Variants in LRBA observed in about 807,000 individuals in gnomAD.
LRBA encodes LPS responsive beige-like anchor protein, also known as lipopolysaccharide-responsive and beige-like anchor protein.
Under a neutral mutation model 330.0 loss-of-function variants are expected in LRBA, and 176 were observed. That is an observed-to-expected ratio of 0.53 (90% confidence interval 0.47 to 0.60). The LOEUF (loss-of-function observed/expected upper bound fraction) is 0.60, where lower values mean the gene tolerates loss of function less well. Among genes scored for constraint, LRBA ranks in the 20% least tolerant of loss-of-function variants. The pLI, the probability that LRBA is intolerant of heterozygous loss-of-function variation, is 0.00. For synonymous variants in LRBA, 1,230 were observed against 1,193.0 expected (o/e 1.03, Z -0.64); for missense variants, 3,259 against 3,444.8 (o/e 0.95, Z 1.35).
intron 46 of LRBA, chr4:150,422,514 A>C (rs1330515059): frequency 5.5e-6 from 2 of 361,408 alleles, no homozygotes; most frequent in Non-Finnish European, 1.0e-5. Context: ...CAGGGAGATG[A>C]ACATTATAAT....
chr4:150,758,572 CTTTTTTT>C (rs35416240), intron 35 of LRBA, among the ~76,000 whole-genome samples: 2 of 117,042 alleles, frequency 1.7e-5, no homozygotes, highest in African/African-American at 2.9e-5. Flanking sequence ...ATCTCTTTGT[CTTTTTTT>C]TTTTTTTTTT....
At chr4:150,832,845 C>T (rs758945034) in intron 28 of LRBA, among the ~76,000 whole-genome samples, 3 of 152,144 alleles carry the variant, frequency 2.0e-5, no homozygotes, top group Non-Finnish European at 2.9e-5. Context: ...TCATAGCTCA[C>T]TGTACCCTTG....
chr4:150,442,588 T>C (rs1028145119), intron 44 of LRBA, among the ~76,000 whole-genome samples: 10 of 152,158 alleles, frequency 6.6e-5, no homozygotes, highest in African/African-American at 2.4e-4. Context: ...CTTACAGTAC[T>C]GAAGAAGGTG....
intron 25 of LRBA, among the ~76,000 whole-genome samples, 195 bp from the exon 26 acceptor site, chr4:150,849,193 C>T (rs565695637): frequency 4.6e-4 from 70 of 152,198 alleles, no homozygotes; most frequent in Non-Finnish European, 7.8e-4. Flanking sequence ...ACAGGTGAAA[C>T]ATCATGAACC....
intron 2 of LRBA, among the ~76,000 whole-genome samples, chr4:150,996,841 T>C (rs1742706328): frequency 6.6e-6 from 1 of 152,144 alleles, no homozygotes. Context: ...CACTTGAGCA[T>C]CATTGACCAC....
At chr4:150,999,378 C>A (rs1561112505) in intron 2 of LRBA, among the ~76,000 whole-genome samples, 2 of 151,948 alleles carry the variant, frequency 1.3e-5, no homozygotes, top group Non-Finnish European at 2.9e-5. Flanking sequence ...AAAAAAACTT[C>A]CCTGGCACAG....
rs575226397 is a variant in LRBA, at chr4:150,778,209, T to C, written c.5581-16362A>G. Among the ~76,000 whole-genome samples the C allele has an allele frequency of 3.9e-5, 6 of 152,268 alleles. No individual in the cohort carries two copies. In the South Asian group the frequency reaches 6.2e-4, roughly 16 times the overall value. ...TTGTGTCTTTAATCACTCTGTGAAA[T>C]AGTAAAATAGAATACTGCCCTTCGG... On this transcript the variant is annotated intron_variant, in intron 34 of 56. Coordinates refer to ENST00000651943, the MANE Select transcript of LRBA (RefSeq NM_001364905.1).
In LRBA at chr4:150,710,125, T is replaced by G. The variant is rs919759172; in HGVS notation, c.5754+25133A>C. Among the ~76,000 whole-genome samples the G allele has an allele frequency of 1.2e-4, 19 of 152,068 alleles. 1 individual carries two copies. Among genetic ancestry groups the G allele is most frequent in the Admixed American group, 1.1e-3 (17 of 15,256 alleles). On this transcript the variant is annotated intron_variant, in intron 36 of 56. Transcript: ENST00000651943. The stretch of plus-strand genomic sequence containing the variant: ...TAAGACAAGAGATTACTCCAAATGT[T>G]TTGAACTATAGATGTGATGGTTAAG...
At chr4:150,561,369 A>G (rs1348532711) in intron 40 of LRBA, among the ~76,000 whole-genome samples, 1 of 152,156 alleles carries the variant, frequency 6.6e-6, no homozygotes, top group East Asian at 1.9e-4. Context: ...GGAATTCATG[A>G]ATATGTTATT....
intron 40 of LRBA, among the ~76,000 whole-genome samples, chr4:150,547,050 A>G (rs1261240505): frequency 2.0e-5 from 3 of 152,196 alleles, no homozygotes; most frequent in African/African-American, 7.2e-5. Context: ...CACATCAAAC[A>G]TGTCTATTAG....
At chr4:150,624,136 T>C (rs1296918614) in intron 37 of LRBA, among the ~76,000 whole-genome samples, 1 of 152,182 alleles carries the variant, frequency 6.6e-6, no homozygotes, top group Admixed American at 6.5e-5. Context: ...ATGCAAATAC[T>C]TGTTTTGTGA....
intron 47 of LRBA, among the ~76,000 whole-genome samples, chr4:150,357,536 T>C (rs1738030503): frequency 6.6e-6 from 1 of 152,000 alleles, no homozygotes; most frequent in African/African-American, 2.4e-5. Context: ...CTACAGAACA[T>C]TAAAACATTT....
intron 40 of LRBA, among the ~76,000 whole-genome samples, chr4:150,513,720 T>C (rs1246899853): frequency 6.6e-6 from 1 of 152,166 alleles, no homozygotes; most frequent in Non-Finnish European, 1.5e-5. Context: ...TTCTCTTTCA[T>C]CGTCTTCTTA....
rs566114204 is a variant in LRBA at position 150,539,234 on chromosome 4, A to T, written c.6331-48199T>A. 3.1e-3 allele frequency among the ~76,000 whole-genome samples: 473 copies of T among 152,304 alleles called. 2 individuals are homozygous for T. Among genetic ancestry groups the T allele is most frequent in the Non-Finnish European group, 4.8e-3 (325 of 68,018 alleles). On this transcript the variant is annotated intron_variant, in intron 40 of 56. Coordinates refer to ENST00000651943, the MANE Select transcript of LRBA (RefSeq NM_001364905.1). ...CGTGATCCGCCCGCTGCGGCCTCCC[A>T]AAGTGCTGGGATTACAGGCATAAGC...
At chr4:150,502,565 C>T (rs1422243127) in intron 40 of LRBA, among the ~76,000 whole-genome samples, 1 of 152,118 alleles carries the variant, frequency 6.6e-6, no homozygotes, top group East Asian at 1.9e-4. Flanking sequence ...TAGAAAAAGA[C>T]ATCAAGGGGA....
chr4:150,488,138 A>C (rs1758112267), intron 41 of LRBA, among the ~76,000 whole-genome samples: 1 of 151,662 alleles, frequency 6.6e-6, no homozygotes, highest in South Asian at 2.1e-4. Flanking sequence ...TAATAATGAT[A>C]ATGATAGCTG....
At position 150,265,694 on chromosome 4, in the gene LRBA, G is replaced by C. The variant is rs749167622; in HGVS notation, c.*28C>G. On this transcript the variant is annotated 3_prime_UTR_variant, in exon 57 of 57. Transcript: ENST00000651943. ...CTCCAGGTACTTCTGCTCATCCTAG[G>C]GGCAGAGTTGATGTACAGCTGTCAC... The C allele has an allele frequency of 3.9e-5, 55 of 1,424,164 alleles. No homozygotes were observed. The South Asian group carries it at 6.3e-4, about 16-fold the overall frequency. The allele number at this position is 1,424,164 out of a possible 1,614,324, so 88.2% of individuals were successfully genotyped here.
intron 2 of LRBA, among the ~76,000 whole-genome samples, chr4:151,002,265 C>T (rs1267398877): frequency 6.7e-6 from 1 of 148,198 alleles, no homozygotes; most frequent in Non-Finnish European, 1.5e-5. Context: ...CAACATATCC[C>T]AATCAAAAAC....
chr4:150,893,980 C>T (rs376884221), intron 16 of LRBA, among the ~76,000 whole-genome samples: 4 of 152,088 alleles, frequency 2.6e-5, no homozygotes, highest in Non-Finnish European at 2.9e-5. Flanking sequence ...CGCCCGGCCT[C>T]GAAACAATTT....
Sources: gnomAD v4.1 joint callset for allele counts (sites outside exome capture counted in the v4.1 genomes callset) on GRCh38, gnomAD v4.1.1 for gene constraint, MANE v1.5 for transcripts, NCBI Gene and HGNC (gene_info 2026-07-23, HGNC 2026-07-21) for gene names.